The following PKD2 variants were observed in gnomAD, a reference collection of about 807,000 sequenced individuals.
PKD2 encodes polycystin-2.
PKD2 carries 48 observed loss-of-function variants against 105.9 expected under a neutral mutation model. That is an observed-to-expected ratio of 0.45 (90% CI 0.36 to 0.58). The LOEUF is 0.58. PKD2 is among the 20% of genes least tolerant of loss of function. The pLI, the probability that PKD2 is intolerant of heterozygous loss-of-function variation, is 0.00. For synonymous variants in PKD2, 464 were observed against 481.1 expected, an observed-to-expected ratio of 0.96 and a Z score of 0.46; for missense variants, 1,078 against 1,255.3, an observed-to-expected ratio of 0.86 and a Z score of 2.13.
At chr4:88,066,822 G>C (rs904831797) in intron 12 of PKD2, among the ~76,000 whole-genome samples, 3 of 152,054 alleles carry the variant, frequency 2.0e-5, no homozygotes, top group African/African-American at 7.2e-5. Flanking sequence ...AAAAATCTGT[G>C]GTAACTGAGG....
chr4:88,067,946 C>T lies in PKD2; in HGVS notation c.2407C>T (p.Arg803Ter), dbSNP rs778235410. 2 of 1,613,846 alleles carry T rather than the reference C, an allele frequency of 1.2e-6. No homozygotes were observed. The highest frequency in any genetic ancestry group is 1.7e-5 in the Admixed American group (1 of 59,986). The change falls in exon 13 of 15, where the codon CGA (arginine) becomes TGA (stop). Residue 803 changes from arginine to a stop codon, truncating the protein, a stop_gained. Coordinates refer to ENST00000237596, the MANE Select transcript of PKD2 (RefSeq NM_000297.4). LOFTEE classifies it high-confidence loss of function. ...TTCTTTACCACGTCCCATGAGCAGC[C>T]GAAGTTTCCCTCGAAGCCTGGATGA... The part of the protein sequence containing the change: ...HSSLPRPMSS[R>*]SFPRSLDDSE...
intron 8 of PKD2, among the ~76,000 whole-genome samples, chr4:88,057,584 C>CGT (rs1720409082): frequency 6.6e-6 from 1 of 151,816 alleles, no homozygotes; most frequent in Non-Finnish European, 1.5e-5. Flanking sequence ...TATGGGCGCA[C>CGT]GCCACCAAGC....
At chr4:88,026,500 C>T (rs552223891) in intron 2 of PKD2, among the ~76,000 whole-genome samples, 433 of 152,250 alleles carry the variant, frequency 2.8e-3, no homozygotes, top group Non-Finnish European at 4.0e-3. Context: ...GAAATTGGAA[C>T]TTATGTTTAA....
intron 13 of PKD2, among the ~76,000 whole-genome samples, chr4:88,068,648 A>G (rs1242960427): frequency 6.6e-6 from 1 of 152,174 alleles, no homozygotes; most frequent in African/African-American, 2.4e-5. Context: ...ATGTTTCTAT[A>G]TATTTTTATG....
At chr4:88,021,819 G>C (rs1019140167) in intron 2 of PKD2, among the ~76,000 whole-genome samples, 2 of 152,130 alleles carry the variant, frequency 1.3e-5, no homozygotes, top group South Asian at 2.1e-4. Context: ...TCAGCTCTTC[G>C]CAAGTTTGGA....
At chr4:88,061,118 G>C (rs889726223) in intron 9 of PKD2, among the ~76,000 whole-genome samples, 3 of 151,966 alleles carry the variant, frequency 2.0e-5, no homozygotes, top group African/African-American at 7.3e-5. Flanking sequence ...TTAAAAATGT[G>C]TCCTGTAAAT....
chr4:88,074,940 T>C lies in PKD2; in HGVS notation c.2651T>C (p.Leu884Pro). The change falls in exon 14 of 15, where the codon CTG becomes CCG. Residue 884 changes from leucine to proline, a missense_variant. Coordinates refer to ENST00000237596, the MANE Select transcript of PKD2 (RefSeq NM_000297.4). ...AAGAGGAGGGAGGTGCTGGGAAGGC[T>C]GTTGGATGGGGTGGCCGAGGTCAGT... Reference protein sequence around the residue: ...KLKRREVLGRLLDGVAEDERL... With the variant: ...KLKRREVLGRPLDGVAEDERL... The C allele has an allele frequency of 6.2e-7, 1 of 1,614,134 alleles. No homozygotes were observed. Among genetic ancestry groups the C allele is most frequent in the Non-Finnish European group, 8.5e-7 (1 of 1,180,008 alleles).
intron 7 of PKD2, 148 bp from the exon 8 acceptor site, chr4:88,055,938 A>G: frequency 1.5e-6 from 1 of 671,214 alleles, no homozygotes; most frequent in African/African-American, 1.8e-5. Flanking sequence ...TGTCAGGCTT[A>G]TTTCACTTTG....
In PKD2 at chr4:88,072,183, A is replaced by G. The variant is rs564913330; in HGVS notation, c.2523-2629A>G. On this transcript the variant is annotated intron_variant, in intron 13 of 14. Transcript: ENST00000237596. ...TTTTTTATAGAGATGGGGTTTTACC[A>G]TGTTGCCCCGGCTGGTCTCAAACTC... Among the ~76,000 whole-genome samples, 3 of 151,844 alleles carry G rather than the reference A, an allele frequency of 2.0e-5. No homozygotes were observed. In the South Asian group the frequency reaches 6.2e-4, roughly 32 times the overall value.
chr4:88,031,265 A>G (rs962712270), intron 2 of PKD2, among the ~76,000 whole-genome samples: 7 of 152,246 alleles, frequency 4.6e-5, no homozygotes, highest in Non-Finnish European at 7.3e-5. Flanking sequence ...TCAGTAGGTT[A>G]GGTATATTAA....
chr4:88,035,545 G>C (rs1248610087), intron 2 of PKD2, among the ~76,000 whole-genome samples: 1 of 152,162 alleles, frequency 6.6e-6, no homozygotes, highest in African/African-American at 2.4e-5. Context: ...CAGTGTGGTT[G>C]TGAGAAAAGG....
intron 9 of PKD2, among the ~76,000 whole-genome samples, chr4:88,059,136 TA>T (rs1239584032): frequency 6.6e-6 from 1 of 152,068 alleles, no homozygotes; most frequent in Admixed American, 6.6e-5. Flanking sequence ...ATTTCCTGTT[TA>T]AAAAAAATTT....
intron 2 of PKD2, among the ~76,000 whole-genome samples, chr4:88,032,228 G>A (rs1727185254): frequency 6.6e-6 from 1 of 151,950 alleles, no homozygotes. Flanking sequence ...TGAAATTTAT[G>A]TAATATATAC....
intron 13 of PKD2, among the ~76,000 whole-genome samples, chr4:88,073,080 G>A (rs1208389797): frequency 6.6e-6 from 1 of 150,470 alleles, no homozygotes; most frequent in Non-Finnish European, 1.5e-5. Context: ...GCTGGGCATG[G>A]TGGCTCATGC....
rs750077647 is a variant in PKD2 at position 88,008,021 on chromosome 4, C to CGAGGAG, written c.302_307dup (p.Glu101_Glu102dup). 3.3e-6 allele frequency: 5 copies of CGAGGAG among 1,516,608 alleles called. No individual in the cohort carries two copies. The East Asian group carries it at 7.6e-5, about 23-fold the overall frequency. 93.9% of individuals were successfully genotyped at this position (1,516,608 alleles called of 1,614,324 possible). A position where few individuals can be genotyped will look rare whatever the true frequency, so the allele number is the denominator to read the frequency against. On this transcript the variant is annotated inframe_insertion, in exon 1 of 15. Transcript: ENST00000237596. Reference sequence around the variant, plus strand: ...GCCGCGATAACCCCGGCTTCGAGGCCGAGGAGGAGGAGGAGGAGGTGGAAG... The same window carrying CGAGGAG: ...GCCGCGATAACCCCGGCTTCGAGGCCGAGGAGGAGGAGGAGGAGGAGGAGGTGGAAG...
rs144431856 is a variant in PKD2, at chr4:88,043,286, T to C, written c.1148T>C (p.Ile383Thr). The change falls in exon 5 of 15, where the codon ATT becomes ACT. Residue 383 changes from isoleucine to threonine, a missense_variant. Physicochemically the swap from Ile to Thr is moderately conservative, Grantham distance 89. This residue lies in a region of PKD2 where 868 missense variants were observed against 1,067.3 expected (regional missense o/e 0.81). Transcript: ENST00000237596. ...DLNGSSHWGI[I>T]ATYSGAGYYL... is the part of the protein sequence containing the mutation. ...AATGGTAGTAGCCACTGGGGAATCA[T>C]TGCAACTTATAGTGGAGCTGGCTAT... The C allele has an allele frequency of 1.1e-5, 17 of 1,613,662 alleles. No homozygotes were observed. The highest frequency in any genetic ancestry group is 2.7e-5 in the African/African-American group (2 of 74,924).
chr4:88,015,113 C>T (rs1726514273), intron 1 of PKD2, among the ~76,000 whole-genome samples: 1 of 152,166 alleles, frequency 6.6e-6, no homozygotes, highest in South Asian at 2.1e-4. Flanking sequence ...ACACAATTAA[C>T]CTTTTAACCA....
In PKD2 at chr4:88,074,803, T is replaced by G. The variant is rs1309892025; in HGVS notation, c.2523-9T>G. 1 of 1,613,958 alleles carries G rather than the reference T, an allele frequency of 6.2e-7. No individual in the cohort carries two copies. Among genetic ancestry groups the G allele is most frequent in the South Asian group, 1.1e-5 (1 of 91,070 alleles). ...CACTTTGTCCCTCTGTACTGTGTTTTCCTTGCAGCCTGGTGAGACGAGTGG... is the reference window on the plus strand; with the variant it reads ...CACTTTGTCCCTCTGTACTGTGTTTGCCTTGCAGCCTGGTGAGACGAGTGG... On this transcript the variant is annotated splice_polypyrimidine_tract_variant and intron_variant, in intron 13 of 14. Transcript: ENST00000237596.
intron 9 of PKD2, among the ~76,000 whole-genome samples, chr4:88,059,704 T>C (rs952503579): frequency 6.6e-6 from 1 of 152,038 alleles, no homozygotes; most frequent in Non-Finnish European, 1.5e-5. Flanking sequence ...ATTGCTCTCC[T>C]TGCACCTCCC....
Sources: gnomAD v4.1 joint callset for allele counts (sites outside exome capture counted in the v4.1 genomes callset) on GRCh38, gnomAD v4.1.1 for gene constraint, gnomAD v4.1.1 regional missense constraint, MANE v1.5 for transcripts, NCBI Gene and HGNC (gene_info 2026-07-23, HGNC 2026-07-21) for gene names.